UBTD1: variants seen among roughly 807,000 people sequenced by gnomAD.
The protein encoded by UBTD1 is ubiquitin domain-containing protein 1.
Under a neutral mutation model 21.7 loss-of-function variants are expected in UBTD1, and 19 were observed. The ratio of observed to expected loss-of-function variants is 0.87; its 90% CI spans 0.61 to 1.28. The LOEUF (loss-of-function observed/expected upper bound fraction) is 1.28. Among genes scored for constraint, UBTD1 ranks in the 50% most tolerant of loss-of-function variants. The pLI is 0.00. For synonymous variants in UBTD1, 116 were observed against 135.1 expected (o/e 0.86, Z 0.98); for missense variants, 282 against 315.1 (o/e 0.89, Z 0.80).
At chr10:97,531,125 G>A (rs1034465436) in intron 1 of UBTD1, among the ~76,000 whole-genome samples, 1 of 151,892 alleles carries the variant, frequency 6.6e-6, no homozygotes, top group Non-Finnish European at 1.5e-5. Context: ...CTGACCTCGT[G>A]ATCCGCCCTC....
At chr10:97,554,470 C>T (rs1339906837) in intron 1 of UBTD1, among the ~76,000 whole-genome samples, 1 of 152,066 alleles carries the variant, frequency 6.6e-6, no homozygotes, top group Non-Finnish European at 1.5e-5. Context: ...TGGTCTCGAA[C>T]TCCTGGACTC....
At chr10:97,503,537 C>CA (rs2040386431) in intron 1 of UBTD1, among the ~76,000 whole-genome samples, 1 of 152,206 alleles carries the variant, frequency 6.6e-6, no homozygotes, top group South Asian at 2.1e-4. Flanking sequence ...CCAGGCATAT[C>CA]CACTTACGTT....
At position 97,570,620 on chromosome 10, in the gene UBTD1, C is replaced by T; in HGVS notation, c.*97C>T. On this transcript the variant is annotated 3_prime_UTR_variant, in exon 3 of 3. Transcript: ENST00000370664. The surrounding 1 kb of genome is among the most constrained non-coding windows in gnomAD (Gnocchi z 6.6). ...GCTGTCATTTTCTTCAGGGGCCCTC[C>T]CCTCGGTGTGGCTGGTGGGTGAGCC... 7.0e-7 allele frequency: 1 copy of T among 1,437,392 alleles called. No individual in the cohort carries two copies. The highest frequency in any genetic ancestry group is 9.4e-7 in the Non-Finnish European group (1 of 1,062,130). 89.0% of individuals were successfully genotyped at this position (1,437,392 alleles called of 1,614,324 possible). A position where few individuals can be genotyped will look rare whatever the true frequency, so the allele number is the denominator to read the frequency against.
chr10:97,548,384 T>G (rs1205622492), intron 1 of UBTD1, among the ~76,000 whole-genome samples: 1 of 152,230 alleles, frequency 6.6e-6, no homozygotes, highest in Non-Finnish European at 1.5e-5. Context: ...GAAAGGGACA[T>G]AGGTGCTTAA....
At chr10:97,504,447 T>C (rs1489920814) in intron 1 of UBTD1, among the ~76,000 whole-genome samples, 1 of 152,156 alleles carries the variant, frequency 6.6e-6, no homozygotes, top group Admixed American at 6.5e-5. Context: ...CCCCCCGATA[T>C]CTGAATGGGT....
Position 97,570,204 on chromosome 10 carries a change from C to T in UBTD1, c.365C>T (p.Pro122Leu), listed in dbSNP as rs746293748. 3.1e-6 allele frequency: 5 copies of T among 1,613,244 alleles called. No individual in the cohort carries two copies. Among genetic ancestry groups the T allele is most frequent in the Admixed American group, 3.3e-5 (2 of 60,028 alleles). The change falls in exon 3 of 3, where the codon CCG becomes CTG. Residue 122 changes from proline to leucine, a missense_variant. Physicochemically the swap from Pro to Leu is moderately conservative, Grantham distance 98. Transcript: ENST00000370664. This position sits in a 1 kb window ranked among gnomAD's most constrained non-coding sequence, Gnocchi z 6.6. ...CAGCTGCCCATCTACTGCCTGTCAC[C>T]GCCGGTGAACCTGCTGCTGGAGCAC... is the stretch of plus-strand genomic sequence containing the variant. ...RYQLPIYCLS[P>L]PVNLLLEHTE...
chr10:97,568,557 G>T (rs1253331992), intron 2 of UBTD1, among the ~76,000 whole-genome samples: 2 of 152,038 alleles, frequency 1.3e-5, no homozygotes, highest in Non-Finnish European at 2.9e-5. Context: ...GAGTAGCTGG[G>T]ATTACAGGCA....
chr10:97,554,119 TC>T (rs1480702770), intron 1 of UBTD1, among the ~76,000 whole-genome samples: 2 of 152,202 alleles, frequency 1.3e-5, no homozygotes, highest in Non-Finnish European at 2.9e-5. Context: ...AGTTCTTTAG[TC>T]TTCTCAAGAG....
At chr10:97,532,625 A>G (rs866278319) in intron 1 of UBTD1, among the ~76,000 whole-genome samples, 2 of 152,290 alleles carry the variant, frequency 1.3e-5, no homozygotes, top group Middle Eastern at 6.8e-3. Context: ...CCCCGTCTCT[A>G]TTAAAAGTAT....
chr10:97,522,886 C>G (rs1470210107), intron 1 of UBTD1, among the ~76,000 whole-genome samples: 1 of 152,168 alleles, frequency 6.6e-6, no homozygotes, highest in African/African-American at 2.4e-5. Flanking sequence ...AGGGCCAGGG[C>G]CACCCTGGCC....
chr10:97,502,717 T>C (rs1369845888), intron 1 of UBTD1, among the ~76,000 whole-genome samples: 1 of 152,100 alleles, frequency 6.6e-6, no homozygotes, highest in Admixed American at 6.5e-5. Flanking sequence ...TCTTAGTCAC[T>C]TGGTAGACAA....
Position 97,514,006 on chromosome 10 carries a change from TCTTTC to T in UBTD1, c.70+14734_70+14738del, listed in dbSNP as rs562464649. 1.9e-4 allele frequency among the ~76,000 whole-genome samples: 28 copies of T among 149,382 alleles called. No homozygotes were observed. In the South Asian group the frequency reaches 5.6e-3, roughly 30 times the overall value. On this transcript the variant is annotated intron_variant, in intron 1 of 2. Coordinates refer to ENST00000370664, the MANE Select transcript of UBTD1 (RefSeq NM_024954.5). ...GGATTACAGGTGCCTCTTTTTCTTT[TCTTTC>T]TTTCTTTTTTTTTTTTTAAAGGCAT...
At chr10:97,528,286 C>A (rs1261537964) in intron 1 of UBTD1, among the ~76,000 whole-genome samples, 346 of 135,478 alleles carry the variant, frequency 2.6e-3, no homozygotes, top group Non-Finnish European at 4.4e-3. Flanking sequence ...GACGGGGCGG[C>A]TGGCCGGGCA....
chr10:97,516,427 C>T (rs753837100), intron 1 of UBTD1, among the ~76,000 whole-genome samples: 1 of 152,238 alleles, frequency 6.6e-6, no homozygotes, highest in Non-Finnish European at 1.5e-5. Flanking sequence ...GGGGCTGGAC[C>T]TCGTTGACTG....
chr10:97,528,080 A>AC lies in UBTD1; in HGVS notation c.70+28808dup, dbSNP rs1204514548. Among the ~76,000 whole-genome samples the AC allele has an allele frequency of 2.1e-4, 20 of 95,076 alleles. 1 individual carries two copies. Among genetic ancestry groups the AC allele is most frequent in the East Asian group, 1.9e-3 (6 of 3,092 alleles). 62.4% of individuals were successfully genotyped at this position (95,076 alleles called of 152,430 possible). ...GGGCGGCTGGCTGGGCGGGGGGCTGACTCCCCCACCTCCCTCCCGGACGGG... is the reference window on the plus strand; with the variant it reads ...GGGCGGCTGGCTGGGCGGGGGGCTGACCTCCCCCACCTCCCTCCCGGACGGG... On this transcript the variant is annotated intron_variant, in intron 1 of 2. Coordinates refer to ENST00000370664, the MANE Select transcript of UBTD1 (RefSeq NM_024954.5).
chr10:97,561,565 G>A (rs1256720361), intron 1 of UBTD1, among the ~76,000 whole-genome samples: 1 of 152,118 alleles, frequency 6.6e-6, no homozygotes, highest in Non-Finnish European at 1.5e-5. Context: ...GAGAGAAAGA[G>A]AACAGGGCAG....
At chr10:97,563,476 A>G (rs1436193360) in intron 1 of UBTD1, among the ~76,000 whole-genome samples, 1 of 152,132 alleles carries the variant, frequency 6.6e-6, no homozygotes, top group Non-Finnish European at 1.5e-5. Context: ...GAGTAGATTG[A>G]TAGTGTGGTG....
intron 1 of UBTD1, among the ~76,000 whole-genome samples, chr10:97,555,887 G>A (rs1280943537): frequency 1.3e-5 from 2 of 152,170 alleles, no homozygotes; most frequent in Non-Finnish European, 2.9e-5. Context: ...TTCTTAAAAT[G>A]GGTACTGAGT....
intron 1 of UBTD1, among the ~76,000 whole-genome samples, chr10:97,562,538 C>T (rs2040697707): frequency 6.6e-6 from 1 of 151,974 alleles, no homozygotes; most frequent in African/African-American, 2.4e-5. Flanking sequence ...AAAGTACCTT[C>T]TTAAGGGCAG....
Sources: gnomAD v4.1 joint callset for allele counts (sites outside exome capture counted in the v4.1 genomes callset) on GRCh38, gnomAD v4.1.1 for gene constraint, Gnocchi (gnomAD v3.1) non-coding constraint, MANE v1.5 for transcripts, NCBI Gene and HGNC (gene_info 2026-07-23, HGNC 2026-07-21) for gene names.